The following PAK1 variants were observed in gnomAD, a reference collection of about 807,000 sequenced individuals.
PAK1 encodes serine/threonine-protein kinase PAK 1.
In PAK1, 29 loss-of-function variants were observed where a neutral mutation model predicts 67.4. The ratio of observed to expected loss-of-function variants is 0.43; its 90% CI spans 0.32 to 0.59. The LOEUF is 0.59. Among genes scored for constraint, PAK1 ranks in the 20% least tolerant of loss-of-function variants. PAK1 has a pLI of 0.07. For missense variants in PAK1, 337 were observed against 670.7 expected (o/e 0.50, Z 5.50); for synonymous variants, 223 against 237.4 (o/e 0.94, Z 0.56).
chr11:77,360,126 C>T (rs114833718), intron 5 of PAK1, among the ~76,000 whole-genome samples: 2,205 of 152,138 alleles, frequency 0.014, 53 homozygotes, highest in African/African-American at 0.05. Context: ...GTCAGAATAA[C>T]GGGATAAATG....
intron 10 of PAK1, among the ~76,000 whole-genome samples, chr11:77,341,457 C>T (rs775080132): frequency 6.6e-6 from 1 of 152,114 alleles, no homozygotes; most frequent in Non-Finnish European, 1.5e-5. Context: ...GCTTATGGAG[C>T]CAAAGCCTTC....
At chr11:77,343,253 C>T (rs1387751978) in intron 10 of PAK1, among the ~76,000 whole-genome samples, 1 of 93,952 alleles carries the variant, frequency 1.1e-5, no homozygotes, top group Non-Finnish European at 2.1e-5. Context: ...CAGTTTAATG[C>T]AAGCTTACGT....
intron 7 of PAK1, among the ~76,000 whole-genome samples, chr11:77,354,563 T>C (rs1465901237): frequency 6.6e-6 from 1 of 152,308 alleles, no homozygotes; most frequent in East Asian, 1.9e-4. Flanking sequence ...CTAAGTGTTA[T>C]TGTTAAAACA....
rs34223016 is a variant in PAK1 at position 77,432,833 on chromosome 11, T to TAA, written c.-21-40294_-21-40293dup. Among the ~76,000 whole-genome samples the TAA allele has an allele frequency of 6.7e-4, 97 of 145,224 alleles. 3 individuals are homozygous for TAA. In the South Asian group the frequency reaches 0.013, roughly 20 times the overall value. Reference sequence around the variant, plus strand: ...CAATGAACAATCCAAAAACTGAAATTAAAAAAAAAAACATTTAGAATAGCA... The same window carrying TAA: ...CAATGAACAATCCAAAAACTGAAATTAAAAAAAAAAAAACATTTAGAATAGCA... On this transcript the variant is annotated intron_variant, in intron 1 of 14. Transcript: ENST00000356341.
intron 1 of PAK1, among the ~76,000 whole-genome samples, chr11:77,413,037 T>C (rs1227829904): frequency 6.6e-6 from 1 of 151,976 alleles, no homozygotes; most frequent in African/African-American, 2.4e-5. Context: ...AAATGCTCCC[T>C]AGGAGGTAGT....
intron 1 of PAK1, among the ~76,000 whole-genome samples, chr11:77,434,954 G>A (rs981377582): frequency 7.3e-5 from 11 of 151,708 alleles, no homozygotes; most frequent in African/African-American, 2.7e-4. Context: ...GTAGAGACAG[G>A]GTTTCCCTAT....
chr11:77,524,784 A>ATT, the PAK1 span, among the ~76,000 whole-genome samples: 5 of 152,162 alleles, frequency 3.3e-5, no homozygotes, highest in East Asian at 9.7e-4. Context: ...AAGAATTTTC[A>ATT]TTGTTTTGTT....
chr11:77,448,534 C>T (rs1015604857), intron 1 of PAK1, among the ~76,000 whole-genome samples: 81 of 152,150 alleles, frequency 5.3e-4, no homozygotes, highest in Non-Finnish European at 1.9e-4. Flanking sequence ...CTGCCTGGCA[C>T]AGGAGGACAA....
chr11:77,365,660 C>T (rs1340265204), intron 5 of PAK1, among the ~76,000 whole-genome samples: 3 of 151,846 alleles, frequency 2.0e-5, no homozygotes, highest in African/African-American at 7.3e-5. Flanking sequence ...TGGTGAAACC[C>T]CATCTCTACT....
At chr11:77,478,920 C>CA (rs1217145882), upstream of PAK1, among the ~76,000 whole-genome samples, 29,198 of 106,382 alleles carry the variant, frequency 0.27, 3,887 homozygotes, top group Non-Finnish European at 0.38. Flanking sequence ...ACTAAAAATA[C>CA]AAAAAAAAAA....
intron 2 of PAK1, among the ~76,000 whole-genome samples, chr11:77,387,915 T>C (rs1009429758): frequency 8.5e-5 from 13 of 152,158 alleles, no homozygotes; most frequent in African/African-American, 3.1e-4. Context: ...CTAAGTTGAG[T>C]AGCTTACTGG....
the PAK1 span, among the ~76,000 whole-genome samples, chr11:77,486,383 G>A: frequency 6.6e-6 from 1 of 151,994 alleles, no homozygotes. Flanking sequence ...GGGCAAGATG[G>A]CTGAATAAAA....
At chr11:77,365,516 T>C (rs1366326539) in intron 5 of PAK1, among the ~76,000 whole-genome samples, 1 of 151,492 alleles carries the variant, frequency 6.6e-6, no homozygotes, top group Non-Finnish European at 1.5e-5. Context: ...CCTCGATAAA[T>C]CCCAAAGTAG....
the PAK1 span, among the ~76,000 whole-genome samples, chr11:77,482,972 G>A: frequency 6.6e-6 from 1 of 152,102 alleles, no homozygotes; most frequent in Non-Finnish European, 1.5e-5. Context: ...CAAGGCAGGT[G>A]GATCACCTGA....
At chr11:77,426,930 G>T (rs1276149633) in intron 1 of PAK1, among the ~76,000 whole-genome samples, 1 of 151,612 alleles carries the variant, frequency 6.6e-6, no homozygotes, top group East Asian at 1.9e-4. Context: ...TCTCAGGGTA[G>T]AAAAGAAAAC....
the PAK1 span, among the ~76,000 whole-genome samples, chr11:77,490,616 G>A: frequency 3.0e-4 from 45 of 151,234 alleles, 1 homozygote; most frequent in East Asian, 7.6e-3. Context: ...CCGCCACCCC[G>A]TCTGGGAGGT....
At chr11:77,449,095 A>G (rs534529841) in intron 1 of PAK1, among the ~76,000 whole-genome samples, 1 of 152,336 alleles carries the variant, frequency 6.6e-6, no homozygotes, top group Admixed American at 6.5e-5. Flanking sequence ...CTCGAAAGAG[A>G]AACTCCTTCA....
intron 7 of PAK1, among the ~76,000 whole-genome samples, chr11:77,354,777 C>T (rs1431267026): frequency 2.0e-5 from 3 of 152,134 alleles, no homozygotes; most frequent in East Asian, 1.9e-4. Context: ...AGTTTGCAGA[C>T]GTCGCCAAAT....
chr11:77,366,286 C>T (rs867226413), intron 5 of PAK1, among the ~76,000 whole-genome samples: 52 of 152,212 alleles, frequency 3.4e-4, no homozygotes, highest in African/African-American at 1.1e-3. Flanking sequence ...GCAGAGGAAA[C>T]GGTAAATATG....
Sources: allele counts gnomAD v4.1 joint callset (sites outside exome capture counted in the v4.1 genomes callset), GRCh38; gene constraint gnomAD v4.1.1; transcripts MANE v1.5; gene names NCBI Gene and HGNC (gene_info 2026-07-23, HGNC 2026-07-21).